Variants in MARCHF10 observed in about 807,000 individuals in gnomAD.
The protein encoded by MARCHF10 is probable E3 ubiquitin-protein ligase MARCHF10.
Under a neutral mutation model 76.2 loss-of-function variants are expected in MARCHF10, and 64 were observed. The observed-to-expected ratio is 0.84, with a 90% confidence interval of 0.69 to 1.03. The LOEUF is 1.03. Among genes scored for constraint, MARCHF10 ranks in the 50% least tolerant of loss-of-function variants. The pLI, the probability that MARCHF10 is intolerant of heterozygous loss-of-function variation, is 0.00. For missense variants in MARCHF10, 875 were observed against 958.0 expected (o/e 0.91, Z 1.14); for synonymous variants, 340 against 357.5 (o/e 0.95, Z 0.55).
At chr17:62,709,743 G>C (rs1359792412) in intron 9 of MARCHF10, among the ~76,000 whole-genome samples, 13 of 152,110 alleles carry the variant, frequency 8.5e-5, no homozygotes. Context: ...ACTTTCATTT[G>C]GGTGCCTTTT....
chr17:62,761,534 G>A (rs552406195), intron 3 of MARCHF10, among the ~76,000 whole-genome samples: 58 of 152,060 alleles, frequency 3.8e-4, no homozygotes, highest in Non-Finnish European at 7.8e-4. Context: ...CAATTCTCCT[G>A]CCTCAGCCTC....
intron 2 of MARCHF10, among the ~76,000 whole-genome samples, chr17:62,791,482 A>G (rs1472574291): frequency 6.6e-6 from 1 of 152,214 alleles, no homozygotes; most frequent in Non-Finnish European, 1.5e-5. Flanking sequence ...TACGACTTAA[A>G]TATTTCTTTA....
intron 2 of MARCHF10, among the ~76,000 whole-genome samples, chr17:62,799,435 A>C (rs186646344): frequency 5.1e-4 from 78 of 152,276 alleles, no homozygotes; most frequent in African/African-American, 1.8e-3. Context: ...TAAACCATCC[A>C]ATAATTCTCA....
rs2092780226 is a variant in MARCHF10 at position 62,788,402 on chromosome 17, A to G, written c.210+78T>C. 3 of 1,563,836 alleles carry G rather than the reference A, an allele frequency of 1.9e-6. No individual in the cohort carries two copies. In the African/African-American group the frequency reaches 4.2e-5, roughly 22 times the overall value. On this transcript the variant is annotated intron_variant, in intron 3 of 10. Transcript: ENST00000311269. Reference sequence around the variant, plus strand: ...CTCCTTTTTGAGTTGGCTTTTTCCTACATCACACACACACACACACCACCA... The same window carrying G: ...CTCCTTTTTGAGTTGGCTTTTTCCTGCATCACACACACACACACACCACCA...
intron 2 of MARCHF10, among the ~76,000 whole-genome samples, chr17:62,794,421 T>C (rs1041657916): frequency 2.0e-5 from 3 of 152,258 alleles, no homozygotes; most frequent in Non-Finnish European, 4.4e-5. Flanking sequence ...CTGATGTTGG[T>C]TGCAGAAGAA....
At chr17:62,781,790 G>A (rs1019483368) in intron 3 of MARCHF10, among the ~76,000 whole-genome samples, 11 of 152,172 alleles carry the variant, frequency 7.2e-5, no homozygotes, top group African/African-American at 2.7e-4. Context: ...TGTGACAATT[G>A]GAGTCTGGGT....
chr17:62,795,251 A>G (rs2092964095), intron 2 of MARCHF10, among the ~76,000 whole-genome samples: 1 of 151,524 alleles, frequency 6.6e-6, no homozygotes, highest in East Asian at 1.9e-4. Flanking sequence ...CACATTTAAT[A>G]GAGTATAGAA....
At chr17:62,746,984 G>GA (rs986312460) in intron 4 of MARCHF10, 1 of 1,531,954 alleles carries the variant, frequency 6.5e-7, no homozygotes, top group Non-Finnish European at 8.7e-7. Context: ...CTCTGCTTTG[G>GA]AAAAAACCCT....
intron 4 of MARCHF10, among the ~76,000 whole-genome samples, chr17:62,753,364 C>T (rs6504120): frequency 6.6e-6 from 1 of 152,006 alleles, no homozygotes; most frequent in Non-Finnish European, 1.5e-5. Context: ...ACCTTAGCCT[C>T]CCAAAGCGCT....
At chr17:62,779,996 C>T (rs749003006) in intron 3 of MARCHF10, among the ~76,000 whole-genome samples, 1 of 152,064 alleles carries the variant, frequency 6.6e-6, no homozygotes, top group Non-Finnish European at 1.5e-5. Context: ...ATGCGGGAGG[C>T]TGAGGCAGGA....
chr17:62,752,443 A>G (rs2091924991), intron 4 of MARCHF10, among the ~76,000 whole-genome samples: 1 of 152,130 alleles, frequency 6.6e-6, no homozygotes, highest in Non-Finnish European at 1.5e-5. Context: ...CAACACCGCA[A>G]AAGGGGACCC....
At chr17:62,702,981 T>C (rs537625376) in intron 10 of MARCHF10, among the ~76,000 whole-genome samples, 3 of 152,272 alleles carry the variant, frequency 2.0e-5, no homozygotes, top group South Asian at 2.1e-4. Flanking sequence ...GCAGGAGGTA[T>C]TGCCCCCACT....
rs112991005 is a variant in MARCHF10, at chr17:62,746,673, G to C, written c.383-2145C>G. ...AGAGAAGAGGAAGAAACAGAAGAAG[G>C]GCCAGGGAAGGGGCAGGCGTGGGGC... On this transcript the variant is annotated intron_variant, in intron 4 of 10. Coordinates refer to ENST00000311269, the MANE Select transcript of MARCHF10 (RefSeq NM_152598.4). Among the ~76,000 whole-genome samples, 971 of 152,284 alleles carry C rather than the reference G, an allele frequency of 6.4e-3. 6 individuals are homozygous for C. Among genetic ancestry groups the C allele is most frequent in the African/African-American group, 0.023 (938 of 41,554 alleles).
chr17:62,769,440 CAG>C (rs2148002397), intron 3 of MARCHF10, among the ~76,000 whole-genome samples: 1 of 152,244 alleles, frequency 6.6e-6, no homozygotes, highest in African/African-American at 2.4e-5. Flanking sequence ...TTGTTTGAGA[CAG>C]AGTCTCGCTC....
At position 62,788,490 on chromosome 17, in the gene MARCHF10, G is replaced by A. The variant is rs2092782397; in HGVS notation, c.200C>T (p.Ser67Phe). Residue 67 changes from serine to phenylalanine, a missense_variant, in exon 3 of 11, where the codon TCT (serine) becomes TTT (phenylalanine). By Grantham distance (155) the Ser-to-Phe change is radical. Coordinates refer to ENST00000311269, the MANE Select transcript of MARCHF10 (RefSeq NM_152598.4). The part of the protein sequence containing the change: ...FERSRFSSRS[S>F]SKQSSSEEDA... The stretch of plus-strand genomic sequence containing the variant: ...CAGAATTCTTCATACCTGTTTGGAA[G>A]ATGACCTGCTAGAAAACCGGGATCT... The A allele has an allele frequency of 6.2e-7, 1 of 1,614,130 alleles. No homozygotes were observed. Among genetic ancestry groups the A allele is most frequent in the Non-Finnish European group, 8.5e-7 (1 of 1,180,014 alleles).
chr17:62,757,251 A>G (rs1015577101), intron 4 of MARCHF10, among the ~76,000 whole-genome samples: 1 of 152,210 alleles, frequency 6.6e-6, no homozygotes, highest in Non-Finnish European at 1.5e-5. Flanking sequence ...AATTTCGTAC[A>G]GAATCTCAGG....
At chr17:62,734,342 G>A (rs2147791582) in intron 6 of MARCHF10, among the ~76,000 whole-genome samples, 1 of 152,246 alleles carries the variant, frequency 6.6e-6, no homozygotes, top group East Asian at 1.9e-4. Context: ...GATAGGGTGG[G>A]TGAGGGGCTC....
At chr17:62,749,176 C>T (rs536706970) in intron 4 of MARCHF10, among the ~76,000 whole-genome samples, 12 of 149,942 alleles carry the variant, frequency 8.0e-5, no homozygotes, top group Admixed American at 6.7e-4. Flanking sequence ...CTGTGATTGT[C>T]GACTGAAGAC....
rs763607141 is a variant in MARCHF10 at position 62,744,366 on chromosome 17, G to A, written c.535+10C>T. 9 of 1,610,726 alleles carry A rather than the reference G, an allele frequency of 5.6e-6. No homozygotes were observed. The Admixed American group carries it at 6.8e-5, about 12-fold the overall frequency. On this transcript the variant is annotated intron_variant, in intron 5 of 10. Coordinates refer to ENST00000311269, the MANE Select transcript of MARCHF10 (RefSeq NM_152598.4). ...CCAAGGACAAAGGTTCGGGAGCCCC[G>A]GGTCCTTACCTGCTCCCCTGGGAAC... is the stretch of plus-strand genomic sequence containing the variant.
Sources: gnomAD v4.1 joint callset for allele counts (sites outside exome capture counted in the v4.1 genomes callset) on GRCh38, gnomAD v4.1.1 for gene constraint, MANE v1.5 for transcripts, NCBI Gene and HGNC (gene_info 2026-07-23, HGNC 2026-07-21) for gene names.